KIF6: variants seen among roughly 807,000 people sequenced by gnomAD.
The protein encoded by KIF6 is kinesin family member 6, also known as kinesin-like protein KIF6.
A neutral mutation model predicts 112.7 loss-of-function variants in KIF6; 106 were observed. That is an observed-to-expected ratio of 0.94 (90% CI 0.80 to 1.11). KIF6 has a LOEUF of 1.11. Ranked by LOEUF, KIF6 falls within the 50% of genes least tolerant of loss-of-function variation. The pLI is 0.00. For missense variants in KIF6, 929 were observed against 964.0 expected (o/e 0.96, Z 0.48); for synonymous variants, 339 against 339.9 (o/e 1.00, Z 0.03).
At chr6:39,424,046 G>A (rs899111047) in intron 14 of KIF6, among the ~76,000 whole-genome samples, 3 of 152,094 alleles carry the variant, frequency 2.0e-5, no homozygotes, top group African/African-American at 7.2e-5. Context: ...TTCCCTAACA[G>A]GGCGAAGTAG....
chr6:39,579,503 T>G (rs7767357), intron 9 of KIF6, among the ~76,000 whole-genome samples: 26,181 of 152,060 alleles, frequency 0.17, 2,489 homozygotes, highest in Admixed American at 0.27. Context: ...GCAATGCACC[T>G]GTTTTCTCTC....
intron 18 of KIF6, among the ~76,000 whole-genome samples, chr6:39,359,335 C>T (rs1042817681): frequency 9.9e-5 from 15 of 152,126 alleles, no homozygotes; most frequent in Non-Finnish European, 4.4e-5. Flanking sequence ...TCATTTTAGC[C>T]TTCATCAAAC....
At chr6:39,428,146 T>C (rs1770897837) in intron 14 of KIF6, among the ~76,000 whole-genome samples, 1 of 152,216 alleles carries the variant, frequency 6.6e-6, no homozygotes, top group Non-Finnish European at 1.5e-5. Flanking sequence ...ATCTGCTTTT[T>C]AAAAAGAGAT....
Position 39,342,413 on chromosome 6 carries a change from G to A in KIF6, c.2428+1296C>T, listed in dbSNP as rs570430123. 7.9e-5 allele frequency among the ~76,000 whole-genome samples: 12 copies of A among 152,036 alleles called. No homozygotes were observed. The highest frequency in any genetic ancestry group is 4.6e-4 in the Admixed American group (7 of 15,274). Reference sequence around the variant, plus strand: ...TCCCCCTAGAATGTCAGTTTCTCACGTGCTGGGTTCTGTCTTGTTCTCTGC... The same window carrying A: ...TCCCCCTAGAATGTCAGTTTCTCACATGCTGGGTTCTGTCTTGTTCTCTGC... On this transcript the variant is annotated intron_variant, in intron 22 of 22. Coordinates refer to ENST00000287152, the MANE Select transcript of KIF6 (RefSeq NM_145027.6). The surrounding 1 kb of genome is among the most constrained non-coding windows in gnomAD (Gnocchi z 4.7).
chr6:39,460,519 T>C (rs1259526135), intron 13 of KIF6, among the ~76,000 whole-genome samples: 1 of 51,402 alleles, frequency 1.9e-5, no homozygotes, highest in Non-Finnish European at 4.1e-5. Context: ...AAACTTAAAG[T>C]ATAATAAAAA....
intron 13 of KIF6, among the ~76,000 whole-genome samples, chr6:39,538,250 A>C (rs908714241): frequency 6.6e-6 from 1 of 151,594 alleles, no homozygotes. Context: ...TCTGCACAGC[A>C]AAAGAAACTA....
intron 19 of KIF6, among the ~76,000 whole-genome samples, chr6:39,352,944 A>G (rs60063794): frequency 0.15 from 22,376 of 152,080 alleles, 1,962 homozygotes; most frequent in East Asian, 0.36. Context: ...TTATTCATTC[A>G]CTTTTTGGAG....
intron 16 of KIF6, among the ~76,000 whole-genome samples, chr6:39,365,465 C>T (rs943526638): frequency 2.0e-5 from 3 of 152,140 alleles, no homozygotes; most frequent in African/African-American, 7.2e-5. Flanking sequence ...AGTGTCTTCC[C>T]CCAGTGCTGT....
intron 13 of KIF6, among the ~76,000 whole-genome samples, chr6:39,432,604 T>C (rs1386983306): frequency 6.6e-6 from 1 of 152,170 alleles, no homozygotes; most frequent in Non-Finnish European, 1.5e-5. Context: ...CGACTCAGCT[T>C]TGTCTCCACA....
chr6:39,641,246 G>A (rs538286548), intron 3 of KIF6, among the ~76,000 whole-genome samples: 1 of 152,088 alleles, frequency 6.6e-6, no homozygotes, highest in East Asian at 1.9e-4. Context: ...ATTCTTGATA[G>A]AAAGAATAGA....
chr6:39,454,496 T>C (rs1344806949), intron 13 of KIF6, among the ~76,000 whole-genome samples: 4 of 142,668 alleles, frequency 2.8e-5, no homozygotes. Context: ...TAAACGAAAC[T>C]CTTTCCTTAG....
chr6:39,506,284 C>T (rs1184131966), intron 13 of KIF6, among the ~76,000 whole-genome samples: 1 of 152,092 alleles, frequency 6.6e-6, no homozygotes, highest in Non-Finnish European at 1.5e-5. Context: ...TTCTGACTTA[C>T]ACTTTCAAGT....
intron 5 of KIF6, among the ~76,000 whole-genome samples, chr6:39,624,632 T>C (rs1206548279): frequency 6.6e-6 from 1 of 152,212 alleles, no homozygotes; most frequent in Admixed American, 6.5e-5. Flanking sequence ...AATGTGTATT[T>C]CACCTCTTAA....
At chr6:39,362,126 G>T (rs1269386460) in intron 17 of KIF6, among the ~76,000 whole-genome samples, 2 of 152,082 alleles carry the variant, frequency 1.3e-5, no homozygotes, top group African/African-American at 4.8e-5. Context: ...GGAGGGAAGT[G>T]GACTTCAGCC....
At chr6:39,667,202 A>T (rs912975034) in intron 3 of KIF6, among the ~76,000 whole-genome samples, 2 of 150,658 alleles carry the variant, frequency 1.3e-5, no homozygotes, top group Non-Finnish European at 3.0e-5. Flanking sequence ...ATGGTGACTG[A>T]GAAGTCCCAC....
At chr6:39,513,627 G>C (rs1776904867) in intron 13 of KIF6, among the ~76,000 whole-genome samples, 1 of 152,156 alleles carries the variant, frequency 6.6e-6, no homozygotes, top group Non-Finnish European at 1.5e-5. Flanking sequence ...TGGCTAAGGG[G>C]AGCATTTAAT....
intron 16 of KIF6, among the ~76,000 whole-genome samples, chr6:39,370,965 AGCACAG>A (rs1385377748): frequency 2.0e-5 from 3 of 152,174 alleles, no homozygotes; most frequent in African/African-American, 7.2e-5. Context: ...ATGGGCTATA[AGCACAG>A]AAGAGAGGGA....
At chr6:39,351,370 A>G (rs1764233638) in intron 19 of KIF6, among the ~76,000 whole-genome samples, 1 of 152,000 alleles carries the variant, frequency 6.6e-6, no homozygotes, top group African/African-American at 2.4e-5. Context: ...AGCTGCGACT[A>G]CAGGCATGTG....
At chr6:39,702,897 T>TTAG (rs113269498) in intron 3 of KIF6, among the ~76,000 whole-genome samples, 131,854 of 151,750 alleles carry the variant, frequency 0.87, 57,562 homozygotes, top group East Asian at 0.97. Context: ...GAAATGTCAT[T>TTAG]TGCATGCAAA....
Sources: gnomAD v4.1 joint callset for allele counts (sites outside exome capture counted in the v4.1 genomes callset) on GRCh38, gnomAD v4.1.1 for gene constraint, Gnocchi (gnomAD v3.1) non-coding constraint, MANE v1.5 for transcripts, NCBI Gene and HGNC (gene_info 2026-07-23, HGNC 2026-07-21) for gene names.